Variants in COP1 observed in about 807,000 individuals in gnomAD.
COP1 encodes the protein E3 ubiquitin-protein ligase COP1.
COP1 carries 24 observed loss-of-function variants against 101.3 expected under a neutral mutation model. The observed-to-expected ratio is 0.24, with a 90% CI of 0.17 to 0.33. The LOEUF is 0.33. Among genes scored for constraint, COP1 ranks in the 10% least tolerant of loss-of-function variants. The pLI is 1.00. For missense variants in COP1, 663 were observed against 906.2 expected, an observed-to-expected ratio of 0.73 and a Z score of 3.45; for synonymous variants, 347 against 341.9, an observed-to-expected ratio of 1.01 and a Z score of -0.17.
intron 6 of COP1, among the ~76,000 whole-genome samples, chr1:176,139,955 A>G (rs1690413993): frequency 6.6e-6 from 1 of 152,204 alleles, no homozygotes; most frequent in African/African-American, 2.4e-5. Flanking sequence ...CGAAAAGTTG[A>G]AATTATATTT....
chr1:176,163,486 G>C (rs1290037903), intron 4 of COP1, among the ~76,000 whole-genome samples: 2 of 152,176 alleles, frequency 1.3e-5, no homozygotes, highest in Non-Finnish European at 2.9e-5. Flanking sequence ...CTCCCAAAGT[G>C]TTGGGATTAT....
intron 2 of COP1, among the ~76,000 whole-genome samples, chr1:176,177,862 T>C (rs1263697505): frequency 6.6e-6 from 1 of 152,218 alleles, no homozygotes; most frequent in Non-Finnish European, 1.5e-5. Context: ...CTCACATTTG[T>C]TACTTTCAAG....
intron 18 of COP1, among the ~76,000 whole-genome samples, chr1:175,970,499 C>G (rs78439371): frequency 6.6e-6 from 1 of 151,950 alleles, no homozygotes; most frequent in Non-Finnish European, 1.5e-5. Context: ...AGTTTAGATA[C>G]GATAGTCTAA....
At chr1:176,003,636 G>C (rs1409400610) in intron 15 of COP1, among the ~76,000 whole-genome samples, 1 of 152,040 alleles carries the variant, frequency 6.6e-6, no homozygotes. Context: ...GTTTTTCTCA[G>C]GTTTGTCAGA....
intron 14 of COP1, among the ~76,000 whole-genome samples, chr1:176,041,607 CCAAA>C (rs1457682049): frequency 4.6e-5 from 7 of 152,120 alleles, no homozygotes; most frequent in Non-Finnish European, 2.9e-5. Context: ...CCTCAATCTC[CCAAA>C]CAAAGTGCTG....
In COP1 at chr1:176,146,614, C is replaced by T. The variant is rs1466719973; in HGVS notation, c.831+2392G>A. ...CTCTTTCCAAAAGCTGATGAGTGAGCTTGGAAAGTTCCTATCCCAGTCAAA... is the reference window on the plus strand; with the variant it reads ...CTCTTTCCAAAAGCTGATGAGTGAGTTTGGAAAGTTCCTATCCCAGTCAAA... On this transcript the variant is annotated intron_variant, in intron 6 of 19. Coordinates refer to ENST00000367669, the MANE Select transcript of COP1 (RefSeq NM_022457.7). Among the ~76,000 whole-genome samples the T allele has an allele frequency of 1.1e-4, 16 of 152,182 alleles. 2 individuals carry two copies. The highest frequency in any genetic ancestry group is 1.0e-3 in the Admixed American group (16 of 15,276).
intron 8 of COP1, among the ~76,000 whole-genome samples, chr1:176,121,467 A>T (rs1687105807): frequency 6.6e-6 from 1 of 152,016 alleles, no homozygotes; most frequent in Non-Finnish European, 1.5e-5. Flanking sequence ...ACATTTATTG[A>T]GTTCTTACTA....
At chr1:176,187,410 TGTG>T in intron 1 of COP1, among the ~76,000 whole-genome samples, 1 of 151,256 alleles carries the variant, frequency 6.6e-6, no homozygotes, top group Non-Finnish European at 1.5e-5. Flanking sequence ...TACGTGTGTG[TGTG>T]TGTGTGTGTG....
intron 18 of COP1, 53 bp from the exon 19 acceptor site, chr1:175,947,292 A>G (rs144654361): frequency 3.5e-5 from 41 of 1,186,662 alleles, no homozygotes; most frequent in Admixed American, 2.1e-4. Flanking sequence ...CTGGAGAGCA[A>G]TCCAAGAGAT....
chr1:176,020,482 C>G (rs934240901), intron 15 of COP1, among the ~76,000 whole-genome samples: 1 of 152,042 alleles, frequency 6.6e-6, no homozygotes, highest in Admixed American at 6.6e-5. Context: ...AGTTCGAGTC[C>G]AGCCTGGCCA....
At chr1:176,133,457 G>T (rs931743531) in intron 8 of COP1, among the ~76,000 whole-genome samples, 1 of 151,718 alleles carries the variant, frequency 6.6e-6, no homozygotes, top group Non-Finnish European at 1.5e-5. Flanking sequence ...TGACTGAAAC[G>T]TCATTATGCA....
At chr1:176,005,371 A>C (rs1277238009) in intron 15 of COP1, among the ~76,000 whole-genome samples, 3 of 151,576 alleles carry the variant, frequency 2.0e-5, no homozygotes, top group Non-Finnish European at 4.4e-5. Flanking sequence ...CTCTGATTTT[A>C]GTTATTTTTT....
chr1:176,203,059 C>T (rs559969757), intron 1 of COP1, among the ~76,000 whole-genome samples: 1 of 151,844 alleles, frequency 6.6e-6, no homozygotes, highest in East Asian at 2.0e-4. Context: ...CCTTCTCGGC[C>T]GGGCGCGGTG....
Position 176,116,619 on chromosome 1 carries a change from T to G in COP1, c.1026+5A>C, listed in dbSNP as rs1287458392. On this transcript the variant is annotated splice_donor_5th_base_variant and intron_variant, in intron 9 of 19. Coordinates refer to ENST00000367669, the MANE Select transcript of COP1 (RefSeq NM_022457.7). ...ATCATTAAAGCAAACAAAGATATCG[T>G]TTACCTGAGAACTGCCACTGAAACC... 6.2e-7 allele frequency: 1 copy of G among 1,603,416 alleles called. No homozygotes were observed.
intron 9 of COP1, among the ~76,000 whole-genome samples, chr1:176,101,223 C>G (rs1247449783): frequency 6.7e-6 from 1 of 150,174 alleles, no homozygotes; most frequent in South Asian, 2.1e-4. Flanking sequence ...TGGTGGGACT[C>G]GGGATCCAAG....
At chr1:175,958,847 C>A (rs1650992822) in intron 18 of COP1, among the ~76,000 whole-genome samples, 1 of 151,880 alleles carries the variant, frequency 6.6e-6, no homozygotes, top group Admixed American at 6.6e-5. Flanking sequence ...AATATTTCTA[C>A]CTCAGGCTTA....
At chr1:176,113,008 T>C (rs1040419958) in intron 9 of COP1, among the ~76,000 whole-genome samples, 2 of 152,218 alleles carry the variant, frequency 1.3e-5, no homozygotes, top group African/African-American at 2.4e-5. Flanking sequence ...CTATTGTGAA[T>C]AGTGCTGCAA....
chr1:176,173,817 G>A (rs899651845), intron 3 of COP1, among the ~76,000 whole-genome samples: 8 of 150,980 alleles, frequency 5.3e-5, no homozygotes, highest in South Asian at 2.1e-4. Flanking sequence ...GTGAAACCCC[G>A]TCTCTACTAA....
At chr1:176,120,954 T>A (rs1268013219) in intron 8 of COP1, among the ~76,000 whole-genome samples, 1 of 152,076 alleles carries the variant, frequency 6.6e-6, no homozygotes, top group African/African-American at 2.4e-5. Context: ...CATTTTAGGC[T>A]AAACATAGAC....
Sources: gnomAD v4.1 joint callset for allele counts (sites outside exome capture counted in the v4.1 genomes callset) on GRCh38, gnomAD v4.1.1 for gene constraint, MANE v1.5 for transcripts, NCBI Gene and HGNC (gene_info 2026-07-23, HGNC 2026-07-21) for gene names.